Variants in NRXN3 observed in about 807,000 individuals in gnomAD.
NRXN3 encodes neurexin 3, also known as neurexin III.
A neutral mutation model predicts 137.6 loss-of-function variants in NRXN3; 32 were observed. That is an observed-to-expected ratio of 0.23 (90% CI 0.18 to 0.31). The LOEUF (loss-of-function observed/expected upper bound fraction) is 0.31, where lower values mean the gene tolerates loss of function less well. Among genes scored for constraint, NRXN3 ranks in the 10% least tolerant of loss-of-function variants. The pLI, the probability that NRXN3 is intolerant of heterozygous loss-of-function variation, is 1.00. For missense variants in NRXN3, 1,574 were observed against 2,062.5 expected (o/e 0.76, Z 4.59); for synonymous variants, 798 against 784.5 (o/e 1.02, Z -0.29).
chr14:79,501,769 C>T (rs539145553), intron 16 of NRXN3, among the ~76,000 whole-genome samples: 137 of 149,492 alleles, frequency 9.2e-4, no homozygotes, highest in African/African-American at 2.6e-3. Flanking sequence ...GCATGTTAGA[C>T]GAGGTCAGGG....
At chr14:79,130,434 A>G (rs1446145122) in intron 15 of NRXN3, among the ~76,000 whole-genome samples, 1 of 151,708 alleles carries the variant, frequency 6.6e-6, no homozygotes, top group African/African-American at 2.4e-5. Flanking sequence ...TCCTTCACTT[A>G]TGAAGCTTAG....
Position 78,684,715 on chromosome 14 carries a change from G to C in NRXN3, c.1222-24502G>C, listed in dbSNP as rs574578191. Reference sequence around the variant, plus strand: ...AGGCTGAGGCAGGAGGGTCCATTGAGCCCACAAGTTCGAGGCTGCAGTGAC... The same window carrying C: ...AGGCTGAGGCAGGAGGGTCCATTGACCCCACAAGTTCGAGGCTGCAGTGAC... On this transcript the variant is annotated intron_variant, in intron 6 of 20. Coordinates refer to ENST00000335750, the MANE Select transcript of NRXN3 (RefSeq NM_001330195.2). Among the ~76,000 whole-genome samples the C allele has an allele frequency of 2.4e-4, 36 of 152,252 alleles. 1 individual carries two copies. In the South Asian group the frequency reaches 7.3e-3, roughly 31 times the overall value.
intron 10 of NRXN3, among the ~76,000 whole-genome samples, chr14:78,869,940 A>C (rs936167225): frequency 1.3e-5 from 2 of 152,216 alleles, no homozygotes; most frequent in African/African-American, 4.8e-5. Flanking sequence ...ACCAAGGAAC[A>C]GAGTAGAGGT....
At chr14:79,770,387 C>T (rs1379605170) in intron 19 of NRXN3, among the ~76,000 whole-genome samples, 1 of 147,098 alleles carries the variant, frequency 6.8e-6, no homozygotes, top group Admixed American at 6.9e-5. Flanking sequence ...AAGCTCTCCT[C>T]AGCAAATGTA....
intron 4 of NRXN3, among the ~76,000 whole-genome samples, chr14:78,312,656 A>C (rs1210489548): frequency 6.6e-6 from 1 of 152,050 alleles, no homozygotes; most frequent in Non-Finnish European, 1.5e-5. Flanking sequence ...TTTAAAAAAC[A>C]ATTTTTTCGG....
chr14:79,434,703 G>C (rs561360804), intron 15 of NRXN3, among the ~76,000 whole-genome samples: 37 of 152,274 alleles, frequency 2.4e-4, no homozygotes, highest in Admixed American at 1.9e-3. Context: ...GGGGTGGGGA[G>C]GGTCCCCTGT....
At chr14:79,571,344 C>G (rs1466194420) in intron 16 of NRXN3, among the ~76,000 whole-genome samples, 1 of 152,136 alleles carries the variant, frequency 6.6e-6, no homozygotes, top group Admixed American at 6.6e-5. Context: ...AAGACATATC[C>G]TCACTGAAAG....
intron 15 of NRXN3, among the ~76,000 whole-genome samples, chr14:79,276,645 C>A (rs1053945299): frequency 6.6e-6 from 1 of 151,338 alleles, no homozygotes; most frequent in Non-Finnish European, 1.5e-5. Flanking sequence ...ATTGGAAGGT[C>A]CATCTAAGCT....
chr14:78,613,578 G>GTTTTTTT lies in NRXN3; in HGVS notation c.758-31523_758-31517dup, dbSNP rs57745190. The stretch of plus-strand genomic sequence containing the variant: ...AGGAGAAAACTGTCTCACAACCATA[G>GTTTTTTT]TTTTTTTTTTTTTTTTTTTTTTTTT... On this transcript the variant is annotated intron_variant, in intron 4 of 20. Coordinates refer to ENST00000335750, the MANE Select transcript of NRXN3 (RefSeq NM_001330195.2). Among the ~76,000 whole-genome samples the GTTTTTTT allele has an allele frequency of 3.8e-4, 36 of 95,106 alleles. 1 individual carries two copies. The highest frequency in any genetic ancestry group is 1.6e-3 in the African/African-American group (34 of 21,708). 62.4% of individuals were successfully genotyped at this position (95,106 alleles called of 152,430 possible).
At chr14:79,099,298 C>G (rs1216029700) in intron 15 of NRXN3, among the ~76,000 whole-genome samples, 2 of 152,070 alleles carry the variant, frequency 1.3e-5, no homozygotes, top group Non-Finnish European at 2.9e-5. Flanking sequence ...GACCCTAATT[C>G]TCTCACTGCA....
chr14:78,601,012 C>T (rs1385734688), intron 4 of NRXN3, among the ~76,000 whole-genome samples: 1 of 152,204 alleles, frequency 6.6e-6, no homozygotes, highest in Non-Finnish European at 1.5e-5. Context: ...CTCTTCCTCT[C>T]CATGTCTACT....
At chr14:79,814,480 G>A (rs564387071) in intron 20 of NRXN3, among the ~76,000 whole-genome samples, 3 of 152,220 alleles carry the variant, frequency 2.0e-5, no homozygotes, top group African/African-American at 7.2e-5. Flanking sequence ...TTTGCATCTG[G>A]AAGTCATAAG....
chr14:79,773,285 C>A (rs1336655398), intron 19 of NRXN3, among the ~76,000 whole-genome samples: 1 of 152,058 alleles, frequency 6.6e-6, no homozygotes, highest in Non-Finnish European at 1.5e-5. Context: ...TGGGTATATA[C>A]CCAAAGGACT....
intron 15 of NRXN3, among the ~76,000 whole-genome samples, chr14:79,107,592 G>T (rs1199301156): frequency 6.6e-6 from 1 of 152,136 alleles, no homozygotes; most frequent in African/African-American, 2.4e-5. Context: ...GAAAAGGGAA[G>T]ATTACTTAGA....
At chr14:79,162,962 C>G (rs190666801) in intron 15 of NRXN3, among the ~76,000 whole-genome samples, 1 of 151,830 alleles carries the variant, frequency 6.6e-6, no homozygotes, top group Admixed American at 6.6e-5. Context: ...TCTTACATCC[C>G]TTCCACTCCC....
rs77445499 is a variant in NRXN3, at chr14:79,320,404, G to A, written c.3263-146817G>A. Among the ~76,000 whole-genome samples, 1,191 of 152,220 alleles carry A rather than the reference G, an allele frequency of 7.8e-3. 25 individuals are homozygous for A. The highest frequency in any genetic ancestry group is 0.078 in the South Asian group (377 of 4,822). On this transcript the variant is annotated intron_variant, in intron 15 of 20. Transcript: ENST00000335750. ...TTGGCCAGGGCCTCATGTGTTGCTG[G>A]TGCAATCTCCGCATTGTTAATGGGT...
intron 15 of NRXN3, among the ~76,000 whole-genome samples, chr14:79,017,606 A>G (rs931405962): frequency 1.3e-5 from 2 of 152,136 alleles, no homozygotes; most frequent in South Asian, 2.1e-4. Flanking sequence ...CAATACTCCA[A>G]GCATTACTGG....
intron 15 of NRXN3, among the ~76,000 whole-genome samples, chr14:79,431,043 G>T (rs1188933884): frequency 6.6e-6 from 1 of 152,038 alleles, no homozygotes; most frequent in Non-Finnish European, 1.5e-5. Flanking sequence ...ATACATCGGG[G>T]CCTCTGGCTC....
At chr14:79,194,772 C>T (rs923382352) in intron 15 of NRXN3, among the ~76,000 whole-genome samples, 1 of 152,150 alleles carries the variant, frequency 6.6e-6, no homozygotes, top group Non-Finnish European at 1.5e-5. Flanking sequence ...AGTCTTCTTA[C>T]ACCTTCAGAT....
Sources: gnomAD v4.1 joint callset for allele counts (sites outside exome capture counted in the v4.1 genomes callset) on GRCh38, gnomAD v4.1.1 for gene constraint, MANE v1.5 for transcripts, NCBI Gene and HGNC (gene_info 2026-07-23, HGNC 2026-07-21) for gene names.